MYO1H: variants seen among roughly 807,000 people sequenced by gnomAD.
MYO1H encodes myosin IH.
MYO1H carries 118 observed loss-of-function variants against 149.3 expected under a neutral mutation model. The ratio of observed to expected loss-of-function variants is 0.79; its 90% CI spans 0.68 to 0.92. The LOEUF (loss-of-function observed/expected upper bound fraction) is 0.92, where lower values mean the gene tolerates loss of function less well. Ranked by LOEUF, MYO1H falls within the 40% of genes least tolerant of loss-of-function variation. The pLI is 0.00. For missense variants in MYO1H, 1,212 were observed against 1,280.7 expected (o/e 0.95, Z 0.82); for synonymous variants, 447 against 465.2 (o/e 0.96, Z 0.50).
rs368216797 is a variant in MYO1H at position 109,439,831 on chromosome 12, G to A, written c.2454+41G>A. 139 of 1,569,514 alleles carry A rather than the reference G, an allele frequency of 8.9e-5. 1 individual carries two copies. Among genetic ancestry groups the A allele is most frequent in the African/African-American group, 8.1e-4 (60 of 74,144 alleles). On this transcript the variant is annotated intron_variant, in intron 24 of 31. Coordinates refer to ENST00000310903, the Ensembl canonical transcript of MYO1H. ...GGATTTCCAGTGTTGTAAGTAGCAC[G>A]GGCACTGACGAAGCTTAACTCTTGC...
intron 1 of MYO1H, among the ~76,000 whole-genome samples, chr12:109,360,160 A>C (rs919817923): frequency 2.0e-5 from 3 of 149,566 alleles, no homozygotes; most frequent in Admixed American, 2.0e-4. Context: ...TAAATATGAG[A>C]CTGCAGGGAA....
At chr12:109,368,874 C>A (rs1333852951) in intron 1 of MYO1H, among the ~76,000 whole-genome samples, 5 of 152,006 alleles carry the variant, frequency 3.3e-5, no homozygotes, top group Non-Finnish European at 7.4e-5. Flanking sequence ...CCATGAGTAC[C>A]CAGCGTTTAG....
At chr12:109,358,650 T>C (rs1868661529) in intron 1 of MYO1H, among the ~76,000 whole-genome samples, 1 of 152,224 alleles carries the variant, frequency 6.6e-6, no homozygotes. Context: ...TCTGACTCAC[T>C]GGTTTCCTCT....
At chr12:109,324,466 A>G in the MYO1H span, among the ~76,000 whole-genome samples, 1 of 152,168 alleles carries the variant, frequency 6.6e-6, no homozygotes, top group Non-Finnish European at 1.5e-5. Flanking sequence ...GGAAAATCTA[A>G]TCTGCCTAAC....
chr12:109,418,832 C>G (rs1294700364), intron 15 of MYO1H, among the ~76,000 whole-genome samples: 1 of 152,212 alleles, frequency 6.6e-6, no homozygotes, highest in Non-Finnish European at 1.5e-5. Flanking sequence ...GCGTGAGCCA[C>G]CGCACCCAGC....
rs370590852 is a variant in MYO1H at position 109,444,184 on chromosome 12, T to G, written c.2825-29T>G. 7.1e-4 allele frequency: 1,125 copies of G among 1,574,502 alleles called. 7 individuals carry two copies. The highest frequency in any genetic ancestry group is 4.0e-3 in the Middle Eastern group (24 of 6,008). ...GTACTAATGTCAAGCTCTCTAGTTC[T>G]TGGCTCCTAACTCTGGATCTGTCTT... On this transcript the variant is annotated intron_variant, in intron 28 of 31. Transcript: ENST00000310903.
chr12:109,443,171 CG>C lies in MYO1H; in HGVS notation c.2689-342del, dbSNP rs1047396629. Among the ~76,000 whole-genome samples, 2 of 68,950 alleles carry C rather than the reference CG, an allele frequency of 2.9e-5. 1 individual carries two copies. The highest frequency in any genetic ancestry group is 6.0e-5 in the Non-Finnish European group (2 of 33,212). 45.2% of individuals were successfully genotyped at this position (68,950 alleles called of 152,430 possible). On this transcript the variant is annotated intron_variant, in intron 27 of 31. Coordinates refer to ENST00000310903, the Ensembl canonical transcript of MYO1H. ...GTACGTATGTGTGTGTATATGTGTA[CG>C]TATGTGTGTATATGTGTACGTATAT... is the stretch of plus-strand genomic sequence containing the variant.
In MYO1H at chr12:109,406,897, C is replaced by CCTG. The variant is rs531067217; in HGVS notation, c.1035+48_1035+50dup. The CCTG allele has an allele frequency of 5.8e-5, 92 of 1,578,504 alleles. No individual in the cohort carries two copies. The East Asian group carries it at 8.5e-4, about 15-fold the overall frequency. On this transcript the variant is annotated intron_variant, in intron 9 of 31. Coordinates refer to ENST00000310903, the Ensembl canonical transcript of MYO1H. Reference sequence around the variant, plus strand: ...TATAGGTGGAAATGTGCCAGCCCTCCCTGCTGCTGCTGCCTCCCTCGATAA... The same window carrying CCTG: ...TATAGGTGGAAATGTGCCAGCCCTCCCTGCTGCTGCTGCTGCCTCCCTCGATAA...
intron 1 of MYO1H, among the ~76,000 whole-genome samples, chr12:109,351,042 C>T (rs1175441273): frequency 1.3e-5 from 2 of 152,128 alleles, no homozygotes; most frequent in Non-Finnish European, 2.9e-5. Flanking sequence ...ATTAATTAAG[C>T]TCATTAAGCC....
the MYO1H span, among the ~76,000 whole-genome samples, chr12:109,331,643 T>C: frequency 3.3e-5 from 5 of 152,284 alleles, no homozygotes; most frequent in South Asian, 1.0e-3. Flanking sequence ...GGGACACTTT[T>C]TAGACCTTTC....
At chr12:109,432,306 T>C (rs1871664820) in intron 19 of MYO1H, among the ~76,000 whole-genome samples, 1 of 151,972 alleles carries the variant, frequency 6.6e-6, no homozygotes, top group South Asian at 2.1e-4. Flanking sequence ...GCCTGGCCTT[T>C]TTTTAAGTAG....
chr12:109,437,697 C>T (rs147572443), intron 22 of MYO1H, among the ~76,000 whole-genome samples: 145 of 152,136 alleles, frequency 9.5e-4, no homozygotes, highest in African/African-American at 3.4e-3. Context: ...TGTTGATGGA[C>T]GTTTGGGTTG....
chr12:109,419,187 T>TACACACAC (rs59471788), intron 15 of MYO1H, among the ~76,000 whole-genome samples: 19 of 148,766 alleles, frequency 1.3e-4, no homozygotes, highest in South Asian at 4.3e-4. Context: ...TATGTGAGGA[T>TACACACAC]ACACACACAC....
chr12:109,345,895 A>G (rs1355201062), upstream of MYO1H, among the ~76,000 whole-genome samples: 1 of 152,196 alleles, frequency 6.6e-6, no homozygotes, highest in African/African-American at 2.4e-5. Flanking sequence ...TGTCCATGAT[A>G]GGCCAAATGT....
chr12:109,414,205 G>A (rs978098756), intron 14 of MYO1H, among the ~76,000 whole-genome samples: 1 of 152,110 alleles, frequency 6.6e-6, no homozygotes, highest in Non-Finnish European at 1.5e-5. Flanking sequence ...GCCAGACACA[G>A]TGGCTCACAC....
intron 18 of MYO1H, among the ~76,000 whole-genome samples, chr12:109,426,560 T>C (rs551641906): frequency 6.6e-6 from 1 of 152,120 alleles, no homozygotes; most frequent in South Asian, 2.1e-4. Context: ...AATGAATGCC[T>C]TTGGTGGTTC....
At chr12:109,423,312 C>G (rs1392975317) in intron 16 of MYO1H, among the ~76,000 whole-genome samples, 3 of 152,260 alleles carry the variant, frequency 2.0e-5, no homozygotes, top group Admixed American at 6.5e-5. Flanking sequence ...GCATATGCCA[C>G]CACACCAGGC....
the MYO1H span, among the ~76,000 whole-genome samples, chr12:109,327,543 T>G: frequency 6.6e-6 from 1 of 151,554 alleles, no homozygotes; most frequent in African/African-American, 2.4e-5. Context: ...GTCAGGAGTT[T>G]GAGACCAACC....
chr12:109,386,878 G>T (rs910086055), intron 1 of MYO1H, among the ~76,000 whole-genome samples: 1 of 151,738 alleles, frequency 6.6e-6, no homozygotes, highest in African/African-American at 2.4e-5. Flanking sequence ...TTTCTTCCTG[G>T]CTCTCATCTA....
Sources: gnomAD v4.1 joint callset for allele counts (sites outside exome capture counted in the v4.1 genomes callset) on GRCh38, gnomAD v4.1.1 for gene constraint, MANE v1.5 for transcripts, NCBI Gene and HGNC (gene_info 2026-07-23, HGNC 2026-07-21) for gene names.